The following CNTN3 variants were observed in gnomAD, a reference collection of about 807,000 sequenced individuals.
CNTN3 encodes contactin 3.
In CNTN3, 60 loss-of-function variants were observed where a neutral mutation model predicts 119.1. That is an observed-to-expected ratio of 0.50 (90% CI 0.41 to 0.62). The LOEUF is 0.62. Ranked by LOEUF, CNTN3 falls within the 20% of genes least tolerant of loss-of-function variation. The probability of loss-of-function intolerance (pLI) is 0.00; values close to 1 mark genes in which losing one functional copy is unlikely to be tolerated. For synonymous variants in CNTN3, 450 were observed against 438.7 expected (o/e 1.03, Z -0.32); for missense variants, 1,101 against 1,242.4 (o/e 0.89, Z 1.71).
In CNTN3 at chr3:74,525,521, A is replaced by G. The variant is rs187269860; in HGVS notation, c.-80-4329T>C. On this transcript the variant is annotated intron_variant, in intron 1 of 22. Coordinates refer to ENST00000263665, the MANE Select transcript of CNTN3 (RefSeq NM_020872.3). ...AATCACAAAGCTAAAATAAATACAA[A>G]GGAAGCTACTGAAGCAAGACAAATA... Among the ~76,000 whole-genome samples, 559 of 152,022 alleles carry G rather than the reference A, an allele frequency of 3.7e-3. 8 individuals are homozygous for G. Among genetic ancestry groups the G allele is most frequent in the African/African-American group, 0.012 (505 of 41,536 alleles).
chr3:74,602,280 A>G (rs955481614), intron 1 of CNTN3, among the ~76,000 whole-genome samples: 2 of 139,354 alleles, frequency 1.4e-5, no homozygotes, highest in African/African-American at 2.7e-5. Context: ...CAGGCCACAG[A>G]GCAAGACCTG....
At chr3:74,342,351 T>A (rs901421380) in intron 11 of CNTN3, among the ~76,000 whole-genome samples, 1 of 152,166 alleles carries the variant, frequency 6.6e-6, no homozygotes, top group Admixed American at 6.5e-5. Context: ...CTTCTACCTA[T>A]CCTATTTTGG....
chr3:74,590,521 A>C (rs1306218048), intron 1 of CNTN3, among the ~76,000 whole-genome samples: 1 of 151,020 alleles, frequency 6.6e-6, no homozygotes, highest in South Asian at 2.1e-4. Context: ...TCAGAGCAAC[A>C]GCTCTTGGAG....
rs568006626 is a variant in CNTN3 at position 74,606,841 on chromosome 3, T to G, written c.-81+7550A>C. ...CTTTTGTTCTTTTTAAAAACTAATG[T>G]TGCCACTAAAGTTTACAGACTTAAT... On this transcript the variant is annotated intron_variant, in intron 1 of 22. Coordinates refer to ENST00000263665, the MANE Select transcript of CNTN3 (RefSeq NM_020872.3). 5.3e-5 allele frequency among the ~76,000 whole-genome samples: 8 copies of G among 152,282 alleles called. No individual in the cohort carries two copies. The East Asian group carries it at 1.2e-3, about 22-fold the overall frequency.
intron 4 of CNTN3, among the ~76,000 whole-genome samples, chr3:74,430,099 A>G (rs1701758696): frequency 6.6e-6 from 1 of 152,190 alleles, no homozygotes; most frequent in African/African-American, 2.4e-5. Flanking sequence ...TGTAAAACGA[A>G]CCACACGTAA....
chr3:74,451,198 T>C (rs569986624), intron 4 of CNTN3, among the ~76,000 whole-genome samples: 22 of 152,292 alleles, frequency 1.4e-4, no homozygotes, highest in Non-Finnish European at 2.6e-4. Flanking sequence ...TTTTTAATGA[T>C]TGCCATTCTA....
chr3:74,612,625 G>A (rs1436118550), intron 1 of CNTN3, among the ~76,000 whole-genome samples: 1 of 152,160 alleles, frequency 6.6e-6, no homozygotes, highest in African/African-American at 2.4e-5. Flanking sequence ...CTTTTAGACA[G>A]AAGGGCCACT....
chr3:74,354,781 T>C (rs1437083405), intron 11 of CNTN3, among the ~76,000 whole-genome samples: 1 of 152,124 alleles, frequency 6.6e-6, no homozygotes, highest in East Asian at 1.9e-4. Context: ...CCAGTAATTA[T>C]GACGTTTAGA....
chr3:74,344,868 T>TACACACAC (rs59061088), intron 11 of CNTN3, among the ~76,000 whole-genome samples: 4 of 148,846 alleles, frequency 2.7e-5, no homozygotes, highest in African/African-American at 7.3e-5. Flanking sequence ...TGTATACGTA[T>TACACACAC]ACACACACAC....
At chr3:74,319,095 G>A (rs951793102) in intron 13 of CNTN3, among the ~76,000 whole-genome samples, 1 of 152,102 alleles carries the variant, frequency 6.6e-6, no homozygotes, top group African/African-American at 2.4e-5. Flanking sequence ...ACTGCCCAAG[G>A]TAATTTATAG....
intron 1 of CNTN3, among the ~76,000 whole-genome samples, chr3:74,540,686 CTCTCTACT>C (rs1703831040): frequency 6.6e-6 from 1 of 152,100 alleles, no homozygotes; most frequent in Non-Finnish European, 1.5e-5. Flanking sequence ...AAAGCTCTAC[CTCTCTACT>C]TCTCTACACT....
intron 11 of CNTN3, among the ~76,000 whole-genome samples, chr3:74,356,459 G>A (rs149565362): frequency 1.3e-5 from 2 of 151,968 alleles, no homozygotes; most frequent in Non-Finnish European, 2.9e-5. Flanking sequence ...CCCTAATTTG[G>A]AGATAAGAGC....
intron 11 of CNTN3, among the ~76,000 whole-genome samples, chr3:74,338,686 G>A (rs1339828612): frequency 6.6e-6 from 1 of 151,976 alleles, no homozygotes; most frequent in Non-Finnish European, 1.5e-5. Context: ...TAGCACACAG[G>A]TTCATGATCC....
At chr3:74,474,888 G>A (rs989955055) in intron 4 of CNTN3, among the ~76,000 whole-genome samples, 2 of 152,026 alleles carry the variant, frequency 1.3e-5, no homozygotes, top group East Asian at 1.9e-4. Flanking sequence ...CCTCCCCACC[G>A]TTCTCTTGCT....
chr3:74,321,122 G>A (rs559781873), intron 13 of CNTN3, among the ~76,000 whole-genome samples: 1 of 152,014 alleles, frequency 6.6e-6, no homozygotes, highest in South Asian at 2.1e-4. Flanking sequence ...ATAAACACTG[G>A]AGAATACAAG....
At chr3:74,484,173 A>C (rs1702810522) in intron 4 of CNTN3, among the ~76,000 whole-genome samples, 1 of 152,158 alleles carries the variant, frequency 6.6e-6, no homozygotes, top group African/African-American at 2.4e-5. Flanking sequence ...CAAAGACTGC[A>C]GGGCCTGGGT....
intron 11 of CNTN3, among the ~76,000 whole-genome samples, chr3:74,339,998 C>A (rs1463959988): frequency 2.0e-5 from 3 of 151,952 alleles, no homozygotes; most frequent in Admixed American, 2.0e-4. Flanking sequence ...TTCAACCAAC[C>A]ATAGATAGAA....
intron 2 of CNTN3, among the ~76,000 whole-genome samples, chr3:74,505,447 C>CGT (rs140722806): frequency 0.013 from 1,884 of 148,908 alleles, 47 homozygotes; most frequent in African/African-American, 0.044. Flanking sequence ...GAACACTATA[C>CGT]GTGTGTGTGT....
intron 4 of CNTN3, among the ~76,000 whole-genome samples, chr3:74,480,111 A>C (rs1372034195): frequency 6.6e-6 from 1 of 152,104 alleles, no homozygotes; most frequent in East Asian, 1.9e-4. Context: ...ATAAAATCCT[A>C]TAATAACATG....
Sources: allele counts gnomAD v4.1 joint callset (sites outside exome capture counted in the v4.1 genomes callset), GRCh38; gene constraint gnomAD v4.1.1; transcripts MANE v1.5; gene names NCBI Gene and HGNC (gene_info 2026-07-23, HGNC 2026-07-21).